The following RETREG1 variants were observed in gnomAD, a reference collection of about 807,000 sequenced individuals.
The protein encoded by RETREG1 is family with sequence similarity 134 member B.
RETREG1 carries 44 observed loss-of-function variants against 54.8 expected under a neutral mutation model. That is an observed-to-expected ratio of 0.80 (90% CI 0.63 to 1.03). The LOEUF is 1.03. Ranked by LOEUF, RETREG1 falls within the 50% of genes least tolerant of loss-of-function variation. The pLI is 0.00. For synonymous variants in RETREG1, 217 were observed against 238.5 expected, an observed-to-expected ratio of 0.91 and a Z score of 0.83; for missense variants, 554 against 605.1, an observed-to-expected ratio of 0.92 and a Z score of 0.89.
chr5:16,577,242 C>A (rs937320977), intron 1 of RETREG1, among the ~76,000 whole-genome samples: 56 of 150,622 alleles, frequency 3.7e-4, no homozygotes, highest in Admixed American at 3.7e-3. Flanking sequence ...TTTTGTGTAG[C>A]CTATAAGTTG....
At chr5:16,503,659 T>A (rs1218552867) in intron 3 of RETREG1, among the ~76,000 whole-genome samples, 2 of 108,080 alleles carry the variant, frequency 1.9e-5, no homozygotes, top group South Asian at 2.8e-4. Context: ...CAAGACTCCA[T>A]CTCAAAAAAA....
intron 7 of RETREG1, 43 bp downstream of exon 7, chr5:16,477,991 G>C (rs1738614455): frequency 6.6e-7 from 1 of 1,518,982 alleles, no homozygotes; most frequent in Non-Finnish European, 9.1e-7. Context: ...TGCATTTACA[G>C]TCAAACCACA....
chr5:16,501,806 A>G (rs901624594), intron 3 of RETREG1, among the ~76,000 whole-genome samples: 1 of 152,140 alleles, frequency 6.6e-6, no homozygotes, highest in African/African-American at 2.4e-5. Flanking sequence ...CGGCCCCCCA[A>G]AATGCTGGGA....
chr5:16,477,448 A>T (rs999161602), intron 8 of RETREG1, among the ~76,000 whole-genome samples: 1 of 152,220 alleles, frequency 6.6e-6, no homozygotes, highest in African/African-American at 2.4e-5. Flanking sequence ...AAATGGAATT[A>T]CACAGTATGT....
At chr5:16,550,590 A>C (rs574982649) in intron 3 of RETREG1, among the ~76,000 whole-genome samples, 2 of 152,300 alleles carry the variant, frequency 1.3e-5, no homozygotes, top group South Asian at 4.1e-4. Flanking sequence ...TGGTGGACAA[A>C]AGCCATCCAG....
At chr5:16,571,554 T>G (rs116775191) in intron 2 of RETREG1, among the ~76,000 whole-genome samples, 3,880 of 152,286 alleles carry the variant, frequency 0.025, 85 homozygotes, top group Non-Finnish European at 0.039. Context: ...ATGTTAAAAT[T>G]TATTCATTTT....
intron 1 of RETREG1, among the ~76,000 whole-genome samples, chr5:16,579,096 A>C (rs1467512488): frequency 6.6e-6 from 1 of 152,174 alleles, no homozygotes; most frequent in Non-Finnish European, 1.5e-5. Context: ...TAGAGAGGTT[A>C]CCCTTAACCT....
At chr5:16,612,480 C>T (rs10067142) in intron 1 of RETREG1, among the ~76,000 whole-genome samples, 2,929 of 152,282 alleles carry the variant, frequency 0.019, 105 homozygotes, top group African/African-American at 0.066. Flanking sequence ...CCCTTCTGTA[C>T]ATTTAAACAT....
At chr5:16,556,765 G>T (rs540959748) in intron 3 of RETREG1, among the ~76,000 whole-genome samples, 1 of 152,270 alleles carries the variant, frequency 6.6e-6, no homozygotes, top group Non-Finnish European at 1.5e-5. Flanking sequence ...ATGCAATCAG[G>T]TACGGGTCTG....
intron 3 of RETREG1, chr5:16,509,079 A>AG (rs1410877220): frequency 1.0e-6 from 1 of 952,454 alleles, no homozygotes; most frequent in African/African-American, 1.8e-5. Flanking sequence ...CACCCACCTA[A>AG]GGGTGGAGTG....
intron 1 of RETREG1, chr5:16,615,852 G>A (rs1743490111): frequency 6.6e-6 from 1 of 152,196 alleles, no homozygotes; most frequent in Non-Finnish European, 1.5e-5. Context: ...GGTCATGTTT[G>A]TTATGAGGAC....
intron 1 of RETREG1, among the ~76,000 whole-genome samples, chr5:16,603,966 A>G (rs1302684632): frequency 1.3e-5 from 2 of 152,180 alleles, no homozygotes; most frequent in East Asian, 1.9e-4. Flanking sequence ...TTGGTAATCA[A>G]TGCCTAAAAC....
intron 3 of RETREG1, among the ~76,000 whole-genome samples, chr5:16,553,567 T>G (rs2126618106): frequency 6.6e-6 from 1 of 152,126 alleles, no homozygotes; most frequent in African/African-American, 2.4e-5. Flanking sequence ...TTTAAATATA[T>G]TTAGATTTTG....
At chr5:16,529,349 T>C (rs1579652586) in intron 3 of RETREG1, among the ~76,000 whole-genome samples, 1 of 152,214 alleles carries the variant, frequency 6.6e-6, no homozygotes, top group African/African-American at 2.4e-5. Context: ...CTGGCGAGTG[T>C]CTGTGTGAGG....
At chr5:16,524,290 C>T (rs1001667089) in intron 3 of RETREG1, among the ~76,000 whole-genome samples, 1 of 152,204 alleles carries the variant, frequency 6.6e-6, no homozygotes, top group African/African-American at 2.4e-5. Flanking sequence ...GAACCATTTC[C>T]AATGTACTCC....
At position 16,547,316 on chromosome 5, in the gene RETREG1, T is replaced by G. The variant is rs58491505; in HGVS notation, c.458+18447A>C. Among the ~76,000 whole-genome samples, 580 of 152,236 alleles carry G rather than the reference T, an allele frequency of 3.8e-3. 7 individuals are homozygous for G. Among genetic ancestry groups the G allele is most frequent in the African/African-American group, 0.014 (562 of 41,546 alleles). ...GAAATTCAAGGGAAGAATTTCAGAG[T>G]CAGGCCCAAGATAAGAGCTATTTTA... is the stretch of plus-strand genomic sequence containing the variant. On this transcript the variant is annotated intron_variant, in intron 3 of 8. Transcript: ENST00000306320.
intron 4 of RETREG1, among the ~76,000 whole-genome samples, chr5:16,482,592 G>A (rs1415606445): frequency 1.3e-5 from 2 of 152,038 alleles, no homozygotes; most frequent in Non-Finnish European, 2.9e-5. Flanking sequence ...AAGGTACAAA[G>A]ACAGAGATTT....
At chr5:16,499,901 G>A (rs1234500936) in intron 3 of RETREG1, among the ~76,000 whole-genome samples, 1 of 152,180 alleles carries the variant, frequency 6.6e-6, no homozygotes, top group Admixed American at 6.5e-5. Flanking sequence ...TCTGCAGTCT[G>A]GTAATGCCTC....
chr5:16,498,889 T>G (rs899502068), intron 3 of RETREG1, among the ~76,000 whole-genome samples: 1 of 152,218 alleles, frequency 6.6e-6, no homozygotes, highest in Non-Finnish European at 1.5e-5. Flanking sequence ...TTAAATTCTT[T>G]AAATTTTTCT....
Sources: allele counts gnomAD v4.1 joint callset (sites outside exome capture counted in the v4.1 genomes callset), GRCh38; gene constraint gnomAD v4.1.1; transcripts MANE v1.5; gene names NCBI Gene and HGNC (gene_info 2026-07-23, HGNC 2026-07-21).